The following SDK1 variants were observed in gnomAD, a reference collection of about 807,000 sequenced individuals.
SDK1 encodes sidekick cell adhesion molecule 1.
Under a neutral mutation model 245.5 loss-of-function variants are expected in SDK1, and 157 were observed. The ratio of observed to expected loss-of-function variants is 0.64; its 90% CI spans 0.56 to 0.73. The LOEUF is 0.73. SDK1 is among the 30% of genes least tolerant of loss of function. The probability of loss-of-function intolerance (pLI) is 0.00; values close to 1 mark genes in which losing one functional copy is unlikely to be tolerated. For synonymous variants in SDK1, 1,647 were observed against 1,278.5 expected, an observed-to-expected ratio of 1.29 and a Z score of -6.15; for missense variants, 3,583 against 3,002.3, an observed-to-expected ratio of 1.19 and a Z score of -4.52.
chr7:3,908,541 G>GTGATATTCTGATGCTTAGCCCA (rs1246199928), intron 5 of SDK1, among the ~76,000 whole-genome samples: 3 of 152,158 alleles, frequency 2.0e-5, no homozygotes, highest in Admixed American at 1.3e-4. Context: ...CCTAAAAAGG[G>GTGATATTCTGATGCTTAGCCCA]TGATATTCTG....
intron 38 of SDK1, among the ~76,000 whole-genome samples, chr7:4,212,602 G>C (rs1272066798): frequency 6.6e-6 from 1 of 152,306 alleles, no homozygotes; most frequent in African/African-American, 2.4e-5. Context: ...CTGGGAGCCA[G>C]GGGGCCTGGA....
intron 1 of SDK1, among the ~76,000 whole-genome samples, chr7:3,529,730 T>A (rs1463935167): frequency 6.6e-6 from 1 of 152,092 alleles, no homozygotes; most frequent in Non-Finnish European, 1.5e-5. Flanking sequence ...GATGTAGTCT[T>A]GAGATATCTC....
chr7:3,539,971 A>T (rs929816429), intron 1 of SDK1, among the ~76,000 whole-genome samples: 27 of 152,168 alleles, frequency 1.8e-4, no homozygotes, highest in African/African-American at 4.8e-4. Context: ...AATTTTTTTT[A>T]GATTTAAGTA....
intron 1 of SDK1, among the ~76,000 whole-genome samples, chr7:3,363,882 C>A (rs904811900): frequency 2.6e-5 from 4 of 152,104 alleles, no homozygotes; most frequent in African/African-American, 9.7e-5. Context: ...TTTAAGAAAC[C>A]TTTTTTGAAG....
intron 1 of SDK1, among the ~76,000 whole-genome samples, chr7:3,442,815 G>C (rs1020482901): frequency 3.9e-5 from 6 of 152,164 alleles, no homozygotes; most frequent in Non-Finnish European, 7.3e-5. Flanking sequence ...AAACTGTTGA[G>C]TGAACTGCTT....
chr7:4,073,957 A>C (rs887365686), intron 20 of SDK1, among the ~76,000 whole-genome samples: 37 of 138,162 alleles, frequency 2.7e-4, no homozygotes, highest in African/African-American at 1.1e-3. Flanking sequence ...TAGGCTGAGC[A>C]CTATGGGGTG....
chr7:3,583,138 C>T lies in SDK1; in HGVS notation c.299-35942C>T, dbSNP rs556560351. On this transcript the variant is annotated intron_variant, in intron 1 of 44. Transcript: ENST00000404826. ...TCGGTGTCAACACTCTGCAGGCCTC[C>T]AGCTGGTTCCTGCGTGTAGGCCATG... 2.0e-5 allele frequency among the ~76,000 whole-genome samples: 3 copies of T among 152,306 alleles called. No homozygotes were observed. The South Asian group carries it at 6.2e-4, about 32-fold the overall frequency.
intron 4 of SDK1, among the ~76,000 whole-genome samples, chr7:3,642,472 G>A (rs1042310883): frequency 6.6e-6 from 1 of 152,250 alleles, no homozygotes. Flanking sequence ...TTTACTTACA[G>A]TGCTGTGGGG....
chr7:3,526,902 G>C (rs558986840), intron 1 of SDK1, among the ~76,000 whole-genome samples: 39 of 152,228 alleles, frequency 2.6e-4, no homozygotes, highest in Non-Finnish European at 2.8e-4. Flanking sequence ...AGCTGAGAAA[G>C]GCTTTTTCCT....
At chr7:3,878,523 A>G (rs1781127021) in intron 5 of SDK1, among the ~76,000 whole-genome samples, 1 of 151,670 alleles carries the variant, frequency 6.6e-6, no homozygotes, top group South Asian at 2.1e-4. Context: ...TCTCAAAAAA[A>G]TAAAATAAAA....
At chr7:4,003,495 G>A (rs1002474104) in intron 14 of SDK1, among the ~76,000 whole-genome samples, 2 of 152,176 alleles carry the variant, frequency 1.3e-5, no homozygotes, top group African/African-American at 4.8e-5. Flanking sequence ...TTCCCGCTCT[G>A]TTGCAGGATC....
chr7:4,125,948 C>T (rs555309228), intron 25 of SDK1, among the ~76,000 whole-genome samples: 12 of 152,310 alleles, frequency 7.9e-5, no homozygotes, highest in African/African-American at 2.9e-4. Flanking sequence ...GGCCTTACTC[C>T]ATCACTCCAG....
At chr7:4,208,388 G>A (rs772348139) in intron 37 of SDK1, 103 bp downstream of exon 37, 29 of 1,026,850 alleles carry the variant, frequency 2.8e-5, no homozygotes, top group South Asian at 2.5e-4. Flanking sequence ...CCGCCCAGGC[G>A]GAAGGCAACA....
chr7:3,921,869 G>A (rs1362114894), intron 5 of SDK1, among the ~76,000 whole-genome samples: 1 of 152,114 alleles, frequency 6.6e-6, no homozygotes, highest in East Asian at 1.9e-4. Context: ...GGGAGGCTGA[G>A]GTGGGAGGAT....
intron 5 of SDK1, among the ~76,000 whole-genome samples, chr7:3,856,952 A>G (rs1014796034): frequency 1.3e-5 from 2 of 152,198 alleles, no homozygotes; most frequent in African/African-American, 4.8e-5. Context: ...AAAGAGGGAT[A>G]TTTCCTGCTG....
chr7:3,578,686 C>T (rs1780384755), intron 1 of SDK1, among the ~76,000 whole-genome samples: 1 of 151,800 alleles, frequency 6.6e-6, no homozygotes, highest in Admixed American at 6.6e-5. Context: ...AATTTAGCAA[C>T]ACCTCTCCTG....
chr7:3,616,705 A>G (rs188625819), intron 1 of SDK1, among the ~76,000 whole-genome samples: 4 of 152,350 alleles, frequency 2.6e-5, no homozygotes, highest in Non-Finnish European at 1.5e-5. Flanking sequence ...GATGGAATAT[A>G]GTGATCAACA....
chr7:3,938,799 G>C (rs993514191), intron 5 of SDK1, among the ~76,000 whole-genome samples: 22 of 152,092 alleles, frequency 1.4e-4, no homozygotes, highest in African/African-American at 5.3e-4. Flanking sequence ...TGCTCATCCT[G>C]AACTAAATAA....
intron 1 of SDK1, among the ~76,000 whole-genome samples, chr7:3,418,259 G>C (rs1367758049): frequency 6.6e-6 from 1 of 152,040 alleles, no homozygotes; most frequent in Non-Finnish European, 1.5e-5. Flanking sequence ...GGAGGTTGCA[G>C]TGAGCCGAGA....
Sources: allele counts gnomAD v4.1 joint callset (sites outside exome capture counted in the v4.1 genomes callset), GRCh38; gene constraint gnomAD v4.1.1; transcripts MANE v1.5; gene names NCBI Gene and HGNC (gene_info 2026-07-23, HGNC 2026-07-21).